GLIS1: variants seen among roughly 807,000 people sequenced by gnomAD.
GLIS1 encodes zinc finger protein GLIS1.
Under a neutral mutation model 63.8 loss-of-function variants are expected in GLIS1, and 24 were observed. The ratio of observed to expected loss-of-function variants is 0.38; its 90% CI spans 0.27 to 0.53. The LOEUF (loss-of-function observed/expected upper bound fraction) is 0.53, where lower values mean the gene tolerates loss of function less well. Ranked by LOEUF, GLIS1 falls within the 20% of genes least tolerant of loss-of-function variation. The pLI is 0.85. For missense variants in GLIS1, 1,036 were observed against 1,074.1 expected, an observed-to-expected ratio of 0.96 and a Z score of 0.50; for synonymous variants, 450 against 482.5, an observed-to-expected ratio of 0.93 and a Z score of 0.88.
At position 53,604,947 on chromosome 1, in the gene GLIS1, TATATATATACACAC is replaced by T. The variant is rs1402633826; in HGVS notation, c.260-4683_260-4670del. Among the ~76,000 whole-genome samples the T allele has an allele frequency of 8.5e-3, 356 of 42,018 alleles. 1 individual carries two copies. The highest frequency in any genetic ancestry group is 0.032 in the Non-Finnish European group (255 of 7,928). 27.6% of individuals were successfully genotyped at this position (42,018 alleles called of 152,430 possible). On this transcript the variant is annotated intron_variant, in intron 2 of 10. Coordinates refer to ENST00000628545, the MANE Select transcript of GLIS1 (RefSeq NM_001367484.1). ...GTGTGTGTGTGTATATATATACATA[TATATATATACACAC>T]ACACACACACAAATGAGTGGGACTG...
intron 2 of GLIS1, among the ~76,000 whole-genome samples, chr1:53,648,955 T>A (rs958597520): frequency 1.9e-4 from 29 of 152,238 alleles, no homozygotes; most frequent in Non-Finnish European, 4.0e-4. Flanking sequence ...TTACGATTTG[T>A]GTACTTTTCT....
At chr1:53,588,406 C>T (rs2100514486) in intron 4 of GLIS1, among the ~76,000 whole-genome samples, 1 of 152,318 alleles carries the variant, frequency 6.6e-6, no homozygotes, top group South Asian at 2.1e-4. Flanking sequence ...CCTAAACCTT[C>T]CCCAACTTTC....
chr1:53,525,778 C>A (rs1417769005), intron 5 of GLIS1, among the ~76,000 whole-genome samples: 1 of 152,042 alleles, frequency 6.6e-6, no homozygotes, highest in Non-Finnish European at 1.5e-5. Flanking sequence ...ACCACGAGCA[C>A]CTCCTCAGCT....
rs146104484 is a variant in GLIS1 at position 53,726,367 on chromosome 1, A to G, written c.259+11439T>C. Among the ~76,000 whole-genome samples, 555 of 152,314 alleles carry G rather than the reference A, an allele frequency of 3.6e-3. 4 individuals are homozygous for G. The highest frequency in any genetic ancestry group is 0.013 in the African/African-American group (530 of 41,558). On this transcript the variant is annotated intron_variant, in intron 2 of 10. Coordinates refer to ENST00000628545, the MANE Select transcript of GLIS1 (RefSeq NM_001367484.1). ...CCCACTGCGCAAGGAGTGAATGTAG[A>G]AAGAATTAAATGGCCTCATGGGACG... is the stretch of plus-strand genomic sequence containing the variant.
chr1:53,677,622 G>T lies in GLIS1; in HGVS notation c.259+60184C>A, dbSNP rs142349462. ...CTGGCGATGTACAAATAAATTGAGGGGCCTCTGCAGGCCCAGACCAGACGT... is the reference window on the plus strand; with the variant it reads ...CTGGCGATGTACAAATAAATTGAGGTGCCTCTGCAGGCCCAGACCAGACGT... On this transcript the variant is annotated intron_variant, in intron 2 of 10. Transcript: ENST00000628545. Among the ~76,000 whole-genome samples the T allele has an allele frequency of 3.3e-4, 51 of 152,334 alleles. No individual in the cohort carries two copies. The East Asian group carries it at 9.3e-3, about 28-fold the overall frequency.
At chr1:53,706,465 TC>T (rs1646580326) in intron 2 of GLIS1, among the ~76,000 whole-genome samples, 2 of 152,128 alleles carry the variant, frequency 1.3e-5, no homozygotes, top group South Asian at 4.1e-4. Context: ...GCAGCCTAGG[TC>T]CCTAGATGGG....
Position 53,594,506 on chromosome 1 carries a change from T to G in GLIS1, c.922A>C (p.Ser308Arg), listed in dbSNP as rs1454769910. ...TTCCGGCAGGCTTCAAGTTGCAAGC[T>G]GCCCTCATGGCTGTCCGTCGATGCA... ...GPASTDSHEG[S>R]LQLEACRKAS... The change falls in exon 4 of 11, where the codon AGC becomes CGC. Residue 308 changes from serine to arginine, a missense_variant. Around this residue, in one of 3 missense-constraint regions of GLIS1, gnomAD observed 592 missense variants for 593.9 expected, o/e 1.00. Coordinates refer to ENST00000628545, the MANE Select transcript of GLIS1 (RefSeq NM_001367484.1). The G allele has an allele frequency of 1.2e-6, 2 of 1,612,928 alleles. No homozygotes were observed. Among genetic ancestry groups the G allele is most frequent in the Non-Finnish European group, 1.7e-6 (2 of 1,179,908 alleles).
intron 4 of GLIS1, among the ~76,000 whole-genome samples, chr1:53,568,971 G>A (rs115242771): frequency 4.1e-4 from 63 of 152,340 alleles, no homozygotes; most frequent in Non-Finnish European, 9.0e-4. Context: ...ATATTATTCA[G>A]TAGTGAAAAG....
rs138548054 is a variant in GLIS1 at position 53,669,241 on chromosome 1, C to T, written c.259+68565G>A. Among the ~76,000 whole-genome samples, 93 of 152,270 alleles carry T rather than the reference C, an allele frequency of 6.1e-4. 1 individual carries two copies. The East Asian group carries it at 0.015, about 24-fold the overall frequency. ...CTAGAGGAGTTTCCAGGTGAGAGAC[C>T]TGGACACGGAGATGTGCACTCAAGT... On this transcript the variant is annotated intron_variant, in intron 2 of 10. Transcript: ENST00000628545.
intron 4 of GLIS1, among the ~76,000 whole-genome samples, chr1:53,532,280 G>A (rs1569769314): frequency 6.6e-6 from 1 of 152,204 alleles, no homozygotes; most frequent in South Asian, 2.1e-4. Context: ...GGTCACCAAC[G>A]CCCCATCCAG....
intron 2 of GLIS1, among the ~76,000 whole-genome samples, chr1:53,714,173 AG>A (rs1646674259): frequency 6.6e-6 from 1 of 152,250 alleles, no homozygotes; most frequent in Non-Finnish European, 1.5e-5. Context: ...AAGAAATCAG[AG>A]GAACCACAAG....
chr1:53,589,366 G>A lies in GLIS1; in HGVS notation c.1320+4742C>T, dbSNP rs563633619. 7.2e-5 allele frequency among the ~76,000 whole-genome samples: 11 copies of A among 152,272 alleles called. No individual in the cohort carries two copies. The East Asian group carries it at 2.1e-3, about 29-fold the overall frequency. ...AGGAGCAACTCCCTTTAGCTCCCCC[G>A]CCCCTCCCAGCACCCAGGATTTTGT... is the stretch of plus-strand genomic sequence containing the variant. On this transcript the variant is annotated intron_variant, in intron 4 of 10. Coordinates refer to ENST00000628545, the MANE Select transcript of GLIS1 (RefSeq NM_001367484.1).
intron 2 of GLIS1, among the ~76,000 whole-genome samples, chr1:53,605,906 A>G (rs1026580421): frequency 4.6e-5 from 7 of 152,124 alleles, no homozygotes; most frequent in African/African-American, 1.4e-4. Context: ...GCCTGTCTCA[A>G]GTTTACTTTT....
intron 2 of GLIS1, among the ~76,000 whole-genome samples, chr1:53,677,755 C>T (rs1470259260): frequency 6.6e-6 from 1 of 152,154 alleles, no homozygotes; most frequent in Non-Finnish European, 1.5e-5. Flanking sequence ...TGCCGTGCCT[C>T]CTCACCTCTC....
At chr1:53,570,187 G>A (rs1490057977) in intron 4 of GLIS1, among the ~76,000 whole-genome samples, 1 of 151,714 alleles carries the variant, frequency 6.6e-6, no homozygotes, top group Non-Finnish European at 1.5e-5. Context: ...ATAATAGATA[G>A]TTTACTGAAG....
chr1:53,529,887 CG>C lies in GLIS1; in HGVS notation c.1385del (p.Thr462ArgfsTer31). The C allele has an allele frequency of 6.2e-7, 1 of 1,613,920 alleles. No homozygotes were observed. Among genetic ancestry groups the C allele is most frequent in the Non-Finnish European group, 8.5e-7 (1 of 1,179,970 alleles). ...GCTGGCACAGGTACGGCTTCTCGCC[CG>C]TGTGGCTCCTCAGGTGGATCTTGAG... ...ENLKIHLRSHTGEKPYLCQHP... is the reference protein window; with the variant it reads ...ENLKIHLRSHXGEKPYLCQHP... On this transcript the variant is annotated frameshift_variant, in exon 5 of 11. Coordinates refer to ENST00000628545, the MANE Select transcript of GLIS1 (RefSeq NM_001367484.1). LOFTEE classifies it high-confidence loss of function.
chr1:53,559,170 A>T (rs1644861208), intron 4 of GLIS1, among the ~76,000 whole-genome samples: 1 of 152,168 alleles, frequency 6.6e-6, no homozygotes. Context: ...TGTGGCCGCT[A>T]TCATTTTGTA....
intron 4 of GLIS1, among the ~76,000 whole-genome samples, chr1:53,540,073 C>T (rs1039980118): frequency 4.6e-5 from 7 of 152,294 alleles, no homozygotes; most frequent in East Asian, 3.9e-4. Flanking sequence ...ACTGTCATCC[C>T]GATGCTGCGG....
Position 53,524,784 on chromosome 1 carries a change from C to A in GLIS1, c.1586G>T (p.Arg529Leu). Residue 529 changes from arginine (R) to leucine (L), a missense_variant, in exon 6 of 11, where the codon CGT becomes CTT. Arg to Leu is a moderately radical substitution (Grantham distance 102). Around this residue, in one of 3 missense-constraint regions of GLIS1, gnomAD observed 400 missense variants for 400.9 expected, o/e 1.00. Transcript: ENST00000628545. The stretch of plus-strand genomic sequence containing the variant: ...TGAGGAGGGCTGGCTTACCTTCTTA[C>A]GCACCTGCTGCTCTTTGGCTGAATG... ...KAHSAKEQQV[R>L]KKLHAGPDTE... The A allele has an allele frequency of 1.2e-6, 2 of 1,612,562 alleles. No individual in the cohort carries two copies. Among genetic ancestry groups the A allele is most frequent in the Non-Finnish European group, 1.7e-6 (2 of 1,179,142 alleles).
Sources: allele counts gnomAD v4.1 joint callset (sites outside exome capture counted in the v4.1 genomes callset), GRCh38; gene constraint gnomAD v4.1.1; regional missense constraint gnomAD v4.1.1; transcripts MANE v1.5; gene names NCBI Gene and HGNC (gene_info 2026-07-23, HGNC 2026-07-21).